RGS18: variants seen among roughly 807,000 people sequenced by gnomAD.
The protein encoded by RGS18 is regulator of G protein signaling 18, also known as regulator of G-protein signaling 18.
Under a neutral mutation model 27.6 loss-of-function variants are expected in RGS18, and 22 were observed. That is an observed-to-expected ratio of 0.80 (90% CI 0.57 to 1.14). RGS18 has a LOEUF of 1.14. Among genes scored for constraint, RGS18 ranks in the 50% most tolerant of loss-of-function variants. RGS18 has a pLI of 0.00. For missense variants in RGS18, 299 were observed against 269.6 expected (o/e 1.11, Z -0.76); for synonymous variants, 89 against 84.6 (o/e 1.05, Z -0.29).
rs984885960 is a variant in RGS18, at chr1:192,184,344, T to C, written c.498T>C (p.Thr166=). 2.5e-6 allele frequency: 4 copies of C among 1,611,244 alleles called. No homozygotes were observed. The highest frequency in any genetic ancestry group is 3.4e-6 in the Non-Finnish European group (4 of 1,178,092). The change falls in exon 5 of 5, where the codon ACT becomes ACC. Residue 166 remains threonine, a synonymous_variant. Transcript: ENST00000367460. ...HTKEVITNSI[T]QPTLHSFDAA... is the part of the protein sequence containing the mutation. ...AAGAAGTCATTACAAACAGCATCAC[T>C]CAACCTACCCTCCACAGTTTTGATG...
At chr1:192,175,266 A>G (rs1210344930) in intron 3 of RGS18, among the ~76,000 whole-genome samples, 3 of 151,618 alleles carry the variant, frequency 2.0e-5, no homozygotes, top group African/African-American at 4.8e-5. Flanking sequence ...GTTTTTATTG[A>G]TATTTTATCA....
At chr1:192,167,893 A>G (rs1229864284) in intron 3 of RGS18, 1 of 152,220 alleles carries the variant, frequency 6.6e-6, no homozygotes, top group Non-Finnish European at 1.5e-5. Context: ...TACTTCGGAT[A>G]TTATATGGTA....
rs528669200 is a variant in RGS18 at position 192,158,669 on chromosome 1, T to A, written c.32T>A (p.Ile11Lys). 6.4e-7 allele frequency: 1 copy of A among 1,574,444 alleles called. No homozygotes were observed. The highest frequency in any genetic ancestry group is 8.6e-7 in the Non-Finnish European group (1 of 1,166,490). ...ACAACATTGCTTTTCTTTTCTCAAATAAATATGTGTGAATCAAAAGAAAAA... is the reference window on the plus strand; with the variant it reads ...ACAACATTGCTTTTCTTTTCTCAAAAAAATATGTGTGAATCAAAAGAAAAA... METTLLFFSQ[I>K]NMCESKEKTF... Residue 11 changes from isoleucine to lysine, a missense_variant, in exon 1 of 5, where the codon ATA (isoleucine) becomes AAA (lysine). By Grantham distance (102) the Ile-to-Lys change is moderately radical (BLOSUM62 -3). Coordinates refer to ENST00000367460, the MANE Select transcript of RGS18 (RefSeq NM_130782.3).
chr1:192,182,363 C>CT (rs1656471255), intron 4 of RGS18, among the ~76,000 whole-genome samples: 1 of 151,498 alleles, frequency 6.6e-6, no homozygotes, highest in Non-Finnish European at 1.5e-5. Context: ...TATTTTTTGT[C>CT]TTTTTCATTA....
rs534831421 is a variant in RGS18, at chr1:192,179,946, C to T, written c.284-1346C>T. ...GTAGTTTTCCAAGTTGTTACACTGG[C>T]GAAAACTGGATAAAGAGTACACGGG... On this transcript the variant is annotated intron_variant, in intron 3 of 4. Coordinates refer to ENST00000367460, the MANE Select transcript of RGS18 (RefSeq NM_130782.3). Among the ~76,000 whole-genome samples the T allele has an allele frequency of 8.6e-4, 130 of 151,612 alleles. 2 individuals are homozygous for T. Among genetic ancestry groups the T allele is most frequent in the African/African-American group, 2.7e-3 (111 of 41,426 alleles).
At chr1:192,183,674 A>C (rs545048587) in intron 4 of RGS18, among the ~76,000 whole-genome samples, 1 of 151,720 alleles carries the variant, frequency 6.6e-6, no homozygotes, top group Non-Finnish European at 1.5e-5. Flanking sequence ...CAATAACCAA[A>C]ATGTGGAAAC....
intron 3 of RGS18, among the ~76,000 whole-genome samples, chr1:192,176,159 G>T (rs750177767): frequency 2.0e-5 from 3 of 151,802 alleles, no homozygotes; most frequent in Non-Finnish European, 2.9e-5. Context: ...CTTATCTCAG[G>T]ATGTTGCATT....
Position 192,159,205 on chromosome 1 carries a change from G to T in RGS18, c.120-15G>T, listed in dbSNP as rs547490682. The T allele has an allele frequency of 3.9e-5, 60 of 1,556,746 alleles. No homozygotes were observed. Among genetic ancestry groups the T allele is most frequent in the African/African-American group, 5.4e-5 (4 of 73,634 alleles). Reference sequence around the variant, plus strand: ...TCATCTAAATTGTCCTGACATGAAGGCCTTTTTATTACAGAGCTAAGGAAA... The same window carrying T: ...TCATCTAAATTGTCCTGACATGAAGTCCTTTTTATTACAGAGCTAAGGAAA... On this transcript the variant is annotated splice_polypyrimidine_tract_variant and intron_variant, in intron 1 of 4. Transcript: ENST00000367460.
At chr1:192,178,558 G>A (rs953986865) in intron 3 of RGS18, among the ~76,000 whole-genome samples, 2 of 151,664 alleles carry the variant, frequency 1.3e-5, no homozygotes, top group Middle Eastern at 3.4e-3. Flanking sequence ...CGTGCCTGCT[G>A]TTGTGGAGAG....
chr1:192,184,227 C>T (rs1425294165), intron 4 of RGS18, 70 bp from the exon 5 acceptor site: 19 of 1,410,980 alleles, frequency 1.3e-5, no homozygotes, highest in Non-Finnish European at 1.7e-5. Flanking sequence ...TGCATCAGTC[C>T]TGTGCTGTTT....
chr1:192,181,393 C>A lies in RGS18; in HGVS notation c.385C>A (p.Gln129Lys). ...CEDFKKSKGP[Q>K]QIHLKAKAIY... The stretch of plus-strand genomic sequence containing the variant: ...AGATTTCAAGAAAAGCAAGGGACCT[C>A]AACAAATTCACCTTAAAGCAAAAGC... The change falls in exon 4 of 5, where the codon CAA (glutamine) becomes AAA (lysine). Residue 129 changes from glutamine (Q) to lysine (K), a missense_variant. Transcript: ENST00000367460. The A allele has an allele frequency of 1.3e-6, 2 of 1,592,786 alleles. No homozygotes were observed. The highest frequency in any genetic ancestry group is 1.7e-6 in the Non-Finnish European group (2 of 1,170,674).
At chr1:192,179,046 C>T (rs1656404513) in intron 3 of RGS18, among the ~76,000 whole-genome samples, 1 of 151,346 alleles carries the variant, frequency 6.6e-6, no homozygotes, top group African/African-American at 2.4e-5. Flanking sequence ...TAGCAAATAG[C>T]ACATTTAATG....
intron 3 of RGS18, among the ~76,000 whole-genome samples, chr1:192,177,499 G>A (rs1006462032): frequency 1.3e-5 from 2 of 151,686 alleles, no homozygotes; most frequent in African/African-American, 4.8e-5. Flanking sequence ...TGACAAGTTA[G>A]ACAAGGGTCT....
At chr1:192,168,689 C>G (rs1185473310) in intron 3 of RGS18, 1 of 152,176 alleles carries the variant, frequency 6.6e-6, no homozygotes, top group Non-Finnish European at 1.5e-5. Flanking sequence ...TTTAATTGTG[C>G]TTCCTCAGTC....
At chr1:192,166,752 G>T (rs1174467675) in intron 3 of RGS18, among the ~76,000 whole-genome samples, 2 of 152,090 alleles carry the variant, frequency 1.3e-5, no homozygotes, top group Admixed American at 6.6e-5. Flanking sequence ...AAATAGAGGA[G>T]GATGAACAAG....
chr1:192,175,921 G>T (rs1414523563), intron 3 of RGS18, among the ~76,000 whole-genome samples: 1 of 151,762 alleles, frequency 6.6e-6, no homozygotes, highest in Non-Finnish European at 1.5e-5. Context: ...GATAATAGAA[G>T]CCTAGTATTC....
intron 3 of RGS18, among the ~76,000 whole-genome samples, chr1:192,162,862 CA>C (rs1656098280): frequency 6.6e-6 from 1 of 151,772 alleles, no homozygotes; most frequent in East Asian, 1.9e-4. Flanking sequence ...ACAACAACAA[CA>C]AAAAAAGAGG....
At chr1:192,163,329 A>C (rs1361521606) in intron 3 of RGS18, 1 of 152,170 alleles carries the variant, frequency 6.6e-6, no homozygotes, top group Non-Finnish European at 1.5e-5. Flanking sequence ...ATTTCAATTG[A>C]CAATAACATA....
chr1:192,159,665 T>G (rs896996903), intron 2 of RGS18, among the ~76,000 whole-genome samples: 4 of 152,154 alleles, frequency 2.6e-5, no homozygotes, highest in Non-Finnish European at 4.4e-5. Flanking sequence ...TTCATCTCTT[T>G]CTTCAGTAGT....
Sources: gnomAD v4.1 joint callset for allele counts (sites outside exome capture counted in the v4.1 genomes callset) on GRCh38, gnomAD v4.1.1 for gene constraint, MANE v1.5 for transcripts, NCBI Gene and HGNC (gene_info 2026-07-23, HGNC 2026-07-21) for gene names.